BCLAF1: variants seen among roughly 807,000 people sequenced by gnomAD.
BCLAF1 encodes the protein BCL2 associated transcription factor 1.
A neutral mutation model predicts 99.5 loss-of-function variants in BCLAF1; 10 were observed. The observed-to-expected ratio is 0.10, with a 90% CI of 0.06 to 0.17. BCLAF1 has a LOEUF of 0.17. BCLAF1 is among the 10% of genes least tolerant of loss of function. The probability of loss-of-function intolerance (pLI) is 1.00; values close to 1 mark genes in which losing one functional copy is unlikely to be tolerated. For missense variants in BCLAF1, 636 were observed against 1,105.8 expected (o/e 0.58, Z 6.02); for synonymous variants, 255 against 370.9 (o/e 0.69, Z 3.59).
chr6:136,284,172 C>T (rs1160230980), intron 1 of BCLAF1, among the ~76,000 whole-genome samples: 3 of 130,716 alleles, frequency 2.3e-5, no homozygotes, highest in Non-Finnish European at 4.6e-5. Context: ...AGAGAAGACC[C>T]AACTGCCAGA....
Position 136,258,667 on chromosome 6 carries a change from T to C in BCLAF1, c.*2443A>G, listed in dbSNP as rs776692234. The C allele has an allele frequency of 6.6e-6, 1 of 152,528 alleles. No individual in the cohort carries two copies. Among genetic ancestry groups the C allele is most frequent in the Non-Finnish European group, 1.5e-5 (1 of 67,944 alleles). The allele number at this position is 152,528 out of a possible 1,614,324, so 9.4% of individuals were successfully genotyped here. A position where few individuals can be genotyped will look rare whatever the true frequency, so the allele number is the denominator to read the frequency against. ...CATTATACATCACACTGAGTAAGAA[T>C]CGTTTAGCCATCTACATTCAATGTT... On this transcript the variant is annotated 3_prime_UTR_variant, in exon 13 of 13. Coordinates refer to ENST00000531224, the MANE Select transcript of BCLAF1 (RefSeq NM_014739.3).
At chr6:136,262,764 T>C (rs777638309) in intron 11 of BCLAF1, among the ~76,000 whole-genome samples, 1 of 152,176 alleles carries the variant, frequency 6.6e-6, no homozygotes, top group Non-Finnish European at 1.5e-5. Flanking sequence ...CCCACTCCAC[T>C]ACATAATTTC....
chr6:136,289,185 G>A (rs1001989724), intron 1 of BCLAF1, among the ~76,000 whole-genome samples: 12 of 152,240 alleles, frequency 7.9e-5, no homozygotes, highest in Non-Finnish European at 1.5e-4. Flanking sequence ...CACGCGAAAA[G>A]GGGTAGACCT....
intron 1 of BCLAF1, among the ~76,000 whole-genome samples, chr6:136,288,106 C>A (rs1350273541): frequency 2.6e-5 from 4 of 152,210 alleles, no homozygotes; most frequent in African/African-American, 9.6e-5. Context: ...TACCACTGTT[C>A]CTCAAAGTCA....
intron 2 of BCLAF1, among the ~76,000 whole-genome samples, chr6:136,280,581 C>T (rs1371314346): frequency 1.3e-5 from 2 of 151,926 alleles, no homozygotes; most frequent in East Asian, 3.9e-4. Flanking sequence ...GGGATTACTT[C>T]AAGAAAGATT....
rs754654288 is a variant in BCLAF1, at chr6:136,272,097, T to C, written c.1959-18A>G. 2 of 1,524,130 alleles carry C rather than the reference T, an allele frequency of 1.3e-6. No individual in the cohort carries two copies. 94.4% of individuals were successfully genotyped at this position (1,524,130 alleles called of 1,614,324 possible). On this transcript the variant is annotated intron_variant, in intron 7 of 12. Transcript: ENST00000531224. The stretch of plus-strand genomic sequence containing the variant: ...CAATTCTCCTTAATGTAAAATAAAA[T>C]ATATTTTTAGTCATATTATTAACTT...
At chr6:136,274,301 TAA>T (rs5880289) in intron 6 of BCLAF1, 8 of 183,744 alleles carry the variant, frequency 4.4e-5, no homozygotes, top group Non-Finnish European at 4.9e-5. Context: ...ACAGTTCTTT[TAA>T]AAAAAAAAAA....
intron 11 of BCLAF1, 103 bp downstream of exon 11, chr6:136,266,926 G>A (rs1013501871): frequency 5.4e-5 from 75 of 1,377,638 alleles, no homozygotes; most frequent in African/African-American, 2.5e-4. Flanking sequence ...CCCACATAAC[G>A]GTGAATCTTC....
At chr6:136,281,054 T>C (rs1278162212) in intron 2 of BCLAF1, among the ~76,000 whole-genome samples, 2 of 152,186 alleles carry the variant, frequency 1.3e-5, no homozygotes, top group African/African-American at 2.4e-5. Flanking sequence ...ATGAGTTCAG[T>C]TATAGAAGAA....
At chr6:136,277,691 T>G (rs1052638980) in intron 4 of BCLAF1, among the ~76,000 whole-genome samples, 174 bp downstream of exon 4, 1 of 152,162 alleles carries the variant, frequency 6.6e-6, no homozygotes, top group Non-Finnish European at 1.5e-5. Flanking sequence ...AACACTTAGC[T>G]TCCAAAGTTC....
chr6:136,269,450 A>G lies in BCLAF1; in HGVS notation c.2206T>C (p.Tyr736His). 2 of 1,606,652 alleles carry G rather than the reference A, an allele frequency of 1.2e-6. No individual in the cohort carries two copies. The highest frequency in any genetic ancestry group is 1.7e-6 in the Non-Finnish European group (2 of 1,177,240). The stretch of plus-strand genomic sequence containing the variant: ...TTGAACAATTACCTGTCATCTTTGT[A>G]AGATTTGTATTCCTTGTAATCTTTT... Reference protein sequence around the residue: ...TPKDYKEYKSYKDDSKHKREQ... With the variant: ...TPKDYKEYKSHKDDSKHKREQ... Residue 736 changes from tyrosine (Y) to histidine (H), a missense_variant, in exon 9 of 13, where the codon TAC (tyrosine) becomes CAC (histidine). Physicochemically the swap from Tyr to His is moderately conservative, Grantham distance 83. Transcript: ENST00000531224.
At chr6:136,263,755 G>C (rs1212542016) in intron 11 of BCLAF1, among the ~76,000 whole-genome samples, 1 of 152,088 alleles carries the variant, frequency 6.6e-6, no homozygotes, top group Non-Finnish European at 1.5e-5. Context: ...TCAACACTGA[G>C]AATCTGCCTA....
chr6:136,262,817 GT>G (rs995679880), intron 11 of BCLAF1, among the ~76,000 whole-genome samples: 1 of 152,100 alleles, frequency 6.6e-6, no homozygotes, highest in Non-Finnish European at 1.5e-5. Context: ...CAGAGGCTGT[GT>G]TTTTTTATGA....
intron 4 of BCLAF1, among the ~76,000 whole-genome samples, chr6:136,276,933 G>A (rs1430527912): frequency 1.3e-5 from 2 of 152,086 alleles, no homozygotes; most frequent in African/African-American, 2.4e-5. Flanking sequence ...CACACAAATG[G>A]ATTTAATTAC....
At chr6:136,274,647 T>C (rs973905949) in intron 6 of BCLAF1, among the ~76,000 whole-genome samples, 1 of 152,018 alleles carries the variant, frequency 6.6e-6, no homozygotes, top group African/African-American at 2.4e-5. Context: ...ACAGATTTTT[T>C]AAAAGCGGGG....
At chr6:136,261,899 ATAT>A (rs1400488603) in intron 11 of BCLAF1, among the ~76,000 whole-genome samples, 3 of 152,198 alleles carry the variant, frequency 2.0e-5, no homozygotes, top group African/African-American at 7.2e-5. Flanking sequence ...TATCATTAAA[ATAT>A]TATAACATTC....
chr6:136,285,950 C>T (rs1446354137), intron 1 of BCLAF1, among the ~76,000 whole-genome samples: 3 of 151,872 alleles, frequency 2.0e-5, no homozygotes, highest in Non-Finnish European at 4.4e-5. Flanking sequence ...ATACAAAAAT[C>T]AGCCAGGCGT....
chr6:136,263,888 A>G (rs763961489), intron 11 of BCLAF1, among the ~76,000 whole-genome samples: 2 of 152,228 alleles, frequency 1.3e-5, no homozygotes, highest in African/African-American at 2.4e-5. Context: ...ACACCTTTGC[A>G]TAAAACAAAG....
chr6:136,267,335 GC>G (rs1781850190), intron 10 of BCLAF1, among the ~76,000 whole-genome samples, 160 bp from the exon 11 acceptor site: 1 of 151,944 alleles, frequency 6.6e-6, no homozygotes. Context: ...TATATCATAG[GC>G]AAAAAATTTC....
Sources: gnomAD v4.1 joint callset for allele counts (sites outside exome capture counted in the v4.1 genomes callset) on GRCh38, gnomAD v4.1.1 for gene constraint, MANE v1.5 for transcripts, NCBI Gene and HGNC (gene_info 2026-07-23, HGNC 2026-07-21) for gene names.